Variants in GULP1 observed in about 807,000 individuals in gnomAD.
The protein encoded by GULP1 is GULP PTB domain containing engulfment adaptor 1, also known as PTB domain-containing engulfment adapter protein 1.
In GULP1, 19 loss-of-function variants were observed where a neutral mutation model predicts 40.9. That is an observed-to-expected ratio of 0.46 (90% CI 0.32 to 0.68). The LOEUF is 0.68. Among genes scored for constraint, GULP1 ranks in the 30% least tolerant of loss-of-function variants. GULP1 has a pLI of 0.03. For synonymous variants in GULP1, 119 were observed against 117.6 expected (o/e 1.01, Z -0.08); for missense variants, 312 against 362.2 (o/e 0.86, Z 1.12).
At chr2:188,451,723 CTCTT>C (rs1325668459) in intron 2 of GULP1, among the ~76,000 whole-genome samples, 2 of 151,648 alleles carry the variant, frequency 1.3e-5, no homozygotes, top group African/African-American at 4.8e-5. Context: ...TCTCTTATCT[CTCTT>C]TATAGTTTAT....
chr2:188,387,662 A>G (rs936161456), intron 2 of GULP1, among the ~76,000 whole-genome samples: 1 of 152,136 alleles, frequency 6.6e-6, no homozygotes, highest in African/African-American at 2.4e-5. Context: ...ATTTAAATGG[A>G]GAGTCAACTT....
At chr2:188,296,366 C>T (rs1200057726) in intron 1 of GULP1, among the ~76,000 whole-genome samples, 2 of 151,950 alleles carry the variant, frequency 1.3e-5, no homozygotes, top group African/African-American at 2.4e-5. Flanking sequence ...TGTTTTCAGG[C>T]CCTTGTTATT....
intron 2 of GULP1, among the ~76,000 whole-genome samples, chr2:188,453,300 G>A (rs1438664501): frequency 9.6e-6 from 1 of 104,702 alleles, no homozygotes; most frequent in African/African-American, 4.4e-5. Context: ...GATCTATTTA[G>A]AAATGTAAAT....
At chr2:188,486,500 T>A (rs752012206) in intron 4 of GULP1, among the ~76,000 whole-genome samples, 1 of 152,030 alleles carries the variant, frequency 6.6e-6, no homozygotes, top group Non-Finnish European at 1.5e-5. Flanking sequence ...AGAATTATTA[T>A]TCTCCCTGGA....
intron 4 of GULP1, among the ~76,000 whole-genome samples, chr2:188,492,443 A>T (rs2153100695): frequency 6.6e-6 from 1 of 152,108 alleles, no homozygotes; most frequent in East Asian, 1.9e-4. Context: ...ATACTGATTT[A>T]AAAAAATAGC....
intron 7 of GULP1, among the ~76,000 whole-genome samples, chr2:188,564,146 G>A (rs1184606716): frequency 1.3e-5 from 2 of 151,844 alleles, no homozygotes; most frequent in African/African-American, 2.4e-5. Context: ...AGTTCTACAG[G>A]TAACATCATA....
chr2:188,589,678 T>C (rs1703125469), intron 11 of GULP1: 1 of 882,270 alleles, frequency 1.1e-6, no homozygotes. Flanking sequence ...GTTTTTGCTT[T>C]TGCTGTTTCT....
chr2:188,589,730 T>C (rs1295528110), intron 11 of GULP1: 1 of 1,388,256 alleles, frequency 7.2e-7, no homozygotes, highest in East Asian at 2.6e-5. Flanking sequence ...ACTGCTTTCA[T>C]GGTGGGTAGC....
At chr2:188,448,732 G>T (rs1241512519) in intron 2 of GULP1, among the ~76,000 whole-genome samples, 1 of 152,190 alleles carries the variant, frequency 6.6e-6, no homozygotes, top group Non-Finnish European at 1.5e-5. Context: ...TGGAGGTGAG[G>T]CCTGAGTTCT....
chr2:188,337,227 C>T (rs2152111655), intron 1 of GULP1, among the ~76,000 whole-genome samples: 1 of 152,050 alleles, frequency 6.6e-6, no homozygotes, highest in East Asian at 1.9e-4. Context: ...CAACCTCTGC[C>T]TCCCGGATTC....
chr2:188,587,393 A>G (rs772733659), intron 10 of GULP1, among the ~76,000 whole-genome samples: 17 of 152,250 alleles, frequency 1.1e-4, no homozygotes, highest in African/African-American at 4.1e-4. Flanking sequence ...GAGAGATAAG[A>G]GTACATGAAC....
intron 7 of GULP1, among the ~76,000 whole-genome samples, chr2:188,558,770 C>T (rs1369781258): frequency 6.6e-6 from 1 of 152,172 alleles, no homozygotes; most frequent in African/African-American, 2.4e-5. Context: ...GGAACTGAAG[C>T]AGAGGTAACT....
At chr2:188,386,271 C>T (rs925081400) in intron 2 of GULP1, among the ~76,000 whole-genome samples, 4 of 152,076 alleles carry the variant, frequency 2.6e-5, no homozygotes, top group African/African-American at 9.7e-5. Flanking sequence ...ACCATCAGAT[C>T]TTGTGATGGT....
chr2:188,360,020 A>G (rs1439962544), intron 1 of GULP1, among the ~76,000 whole-genome samples: 3 of 152,050 alleles, frequency 2.0e-5, no homozygotes, highest in Non-Finnish European at 4.4e-5. Context: ...AGCCTTGCTG[A>G]TTTTTTGTAA....
rs182815246 is a variant in GULP1, at chr2:188,428,184, T to G, written c.-45+44295T>G. 2.5e-4 allele frequency among the ~76,000 whole-genome samples: 38 copies of G among 152,354 alleles called. 1 individual carries two copies. Among genetic ancestry groups the G allele is most frequent in the Middle Eastern group, 3.4e-3 (1 of 294 alleles). On this transcript the variant is annotated intron_variant, in intron 2 of 11. Transcript: ENST00000409830. ...TGGGGGTATTTACCCAATGCCTGTA[T>G]CCCCATTATATCTTGGAAGGAACTA...
At chr2:188,576,516 T>G (rs1436414554) in intron 9 of GULP1, among the ~76,000 whole-genome samples, 1 of 152,174 alleles carries the variant, frequency 6.6e-6, no homozygotes, top group Admixed American at 6.5e-5. Flanking sequence ...TTTCTCACTT[T>G]CTCATATAAA....
chr2:188,508,484 C>T (rs1256107801), intron 4 of GULP1, among the ~76,000 whole-genome samples: 3 of 152,074 alleles, frequency 2.0e-5, no homozygotes, highest in Middle Eastern at 3.4e-3. Context: ...GTGATCACCT[C>T]ATAGCTGTAT....
In GULP1 at chr2:188,342,383, T is replaced by C. The variant is rs2043089871; in HGVS notation, c.-171-41380T>C. 2.0e-5 allele frequency among the ~76,000 whole-genome samples: 3 copies of C among 152,164 alleles called. No homozygotes were observed. The South Asian group carries it at 6.2e-4, about 32-fold the overall frequency. ...CATGGTTTTCCTCCATGTCTCTTTG[T>C]GTCTCAGATCTCTCCTTTTATAAGG... is the stretch of plus-strand genomic sequence containing the variant. On this transcript the variant is annotated intron_variant, in intron 1 of 11. Coordinates refer to ENST00000409830, the MANE Select transcript of GULP1 (RefSeq NM_016315.4).
chr2:188,377,137 A>C (rs565657561), intron 1 of GULP1, among the ~76,000 whole-genome samples: 1 of 151,728 alleles, frequency 6.6e-6, no homozygotes. Flanking sequence ...GCACCACTGC[A>C]CTCCATCCTG....
Sources: gnomAD v4.1 joint callset for allele counts (sites outside exome capture counted in the v4.1 genomes callset) on GRCh38, gnomAD v4.1.1 for gene constraint, MANE v1.5 for transcripts, NCBI Gene and HGNC (gene_info 2026-07-23, HGNC 2026-07-21) for gene names.